The following ARHGAP15 variants were observed in gnomAD, a reference collection of about 807,000 sequenced individuals.
The protein encoded by ARHGAP15 is Rho GTPase activating protein 15.
A neutral mutation model predicts 63.7 loss-of-function variants in ARHGAP15; 51 were observed. That is an observed-to-expected ratio of 0.80 (90% CI 0.64 to 1.01). ARHGAP15 has a LOEUF of 1.01. Among genes scored for constraint, ARHGAP15 ranks in the 50% least tolerant of loss-of-function variants. ARHGAP15 has a pLI of 0.00. For synonymous variants in ARHGAP15, 191 were observed against 193.8 expected (o/e 0.99, Z 0.12); for missense variants, 560 against 564.6 (o/e 0.99, Z 0.08).
chr2:143,637,378 C>G (rs1273503752), intron 12 of ARHGAP15, among the ~76,000 whole-genome samples: 1 of 152,010 alleles, frequency 6.6e-6, no homozygotes, highest in African/African-American at 2.4e-5. Flanking sequence ...TTACCATTTT[C>G]TCTCTCAGAT....
At chr2:143,331,966 C>T (rs376277972) in intron 6 of ARHGAP15, among the ~76,000 whole-genome samples, 1 of 152,244 alleles carries the variant, frequency 6.6e-6, no homozygotes, top group East Asian at 1.9e-4. Flanking sequence ...AGAGTTCTTT[C>T]TGTGCCTTTT....
intron 8 of ARHGAP15, among the ~76,000 whole-genome samples, chr2:143,481,247 T>C (rs892380451): frequency 6.6e-6 from 1 of 152,110 alleles, no homozygotes. Context: ...AACAAAACTA[T>C]CTACCTACAC....
intron 10 of ARHGAP15, among the ~76,000 whole-genome samples, chr2:143,552,495 C>G (rs1043552393): frequency 4.0e-5 from 6 of 151,834 alleles, no homozygotes; most frequent in African/African-American, 1.5e-4. Flanking sequence ...GCTTAGACCA[C>G]CATTTGGTCT....
At position 143,378,962 on chromosome 2, in the gene ARHGAP15, G is replaced by GT. The variant is rs568501933; in HGVS notation, c.475-56631dup. 1.0e-3 allele frequency among the ~76,000 whole-genome samples: 154 copies of GT among 151,528 alleles called. 1 individual carries two copies. Among genetic ancestry groups the GT allele is most frequent in the African/African-American group, 3.5e-3 (143 of 41,390 alleles). ...TGTGATAAACCTTGGAACCAATAAG[G>GT]TTTTTTTTAATTATTTTTTTATTTT... On this transcript the variant is annotated intron_variant, in intron 6 of 13. Coordinates refer to ENST00000295095, the MANE Select transcript of ARHGAP15 (RefSeq NM_018460.4).
chr2:143,332,809 C>A (rs902839026), intron 6 of ARHGAP15, among the ~76,000 whole-genome samples: 8 of 152,046 alleles, frequency 5.3e-5, no homozygotes, highest in African/African-American at 1.9e-4. Context: ...GAACTCTCTA[C>A]CCAAACTTCA....
intron 6 of ARHGAP15, among the ~76,000 whole-genome samples, chr2:143,414,016 A>C (rs1688576422): frequency 6.6e-6 from 1 of 151,080 alleles, no homozygotes; most frequent in Non-Finnish European, 1.5e-5. Context: ...CCATTGCCTG[A>C]AACGTTTTGC....
intron 11 of ARHGAP15, among the ~76,000 whole-genome samples, chr2:143,565,217 T>C (rs964252054): frequency 1.8e-4 from 28 of 152,182 alleles, no homozygotes; most frequent in African/African-American, 6.5e-4. Flanking sequence ...GGCAGAGAGA[T>C]GTTATCTTCT....
intron 4 of ARHGAP15, among the ~76,000 whole-genome samples, chr2:143,225,584 C>A (rs557302236): frequency 4.9e-4 from 74 of 152,162 alleles, no homozygotes; most frequent in African/African-American, 1.8e-3. Context: ...CCAGCCTGGG[C>A]GACAGAGCGA....
At chr2:143,341,491 TA>T (rs1374890369) in intron 6 of ARHGAP15, among the ~76,000 whole-genome samples, 3 of 152,150 alleles carry the variant, frequency 2.0e-5, no homozygotes, top group Non-Finnish European at 4.4e-5. Flanking sequence ...TAATTTAAAA[TA>T]ATATACAATC....
intron 6 of ARHGAP15, among the ~76,000 whole-genome samples, chr2:143,343,048 C>T (rs1685129814): frequency 6.6e-6 from 1 of 151,984 alleles, no homozygotes; most frequent in Non-Finnish European, 1.5e-5. Context: ...GTGATATGTT[C>T]TCAGTTCCTA....
At chr2:143,578,539 C>T (rs1035450262) in intron 11 of ARHGAP15, among the ~76,000 whole-genome samples, 7 of 152,048 alleles carry the variant, frequency 4.6e-5, no homozygotes, top group South Asian at 2.1e-4. Context: ...ATCTAGAAAG[C>T]GCCAATGGCG....
chr2:143,273,882 C>T (rs1197405061), intron 6 of ARHGAP15, among the ~76,000 whole-genome samples: 1 of 151,994 alleles, frequency 6.6e-6, no homozygotes, highest in Non-Finnish European at 1.5e-5. Flanking sequence ...CATAGTCTGG[C>T]TCATGGAGTT....
intron 5 of ARHGAP15, among the ~76,000 whole-genome samples, chr2:143,229,130 T>C (rs1693339001): frequency 6.6e-6 from 1 of 152,134 alleles, no homozygotes; most frequent in African/African-American, 2.4e-5. Flanking sequence ...GCATCTTTAA[T>C]ACATGAATTT....
intron 6 of ARHGAP15, among the ~76,000 whole-genome samples, chr2:143,273,895 A>AATC (rs1200796371): frequency 2.9e-4 from 44 of 152,234 alleles, no homozygotes; most frequent in African/African-American, 1.0e-3. Context: ...ATGGAGTTCA[A>AATC]ATCTTTTTTA....
At chr2:143,447,794 C>T (rs905069438) in intron 8 of ARHGAP15, among the ~76,000 whole-genome samples, 2 of 152,188 alleles carry the variant, frequency 1.3e-5, no homozygotes, top group Non-Finnish European at 2.9e-5. Context: ...AACAAGTGAC[C>T]GAGAGCATGA....
intron 6 of ARHGAP15, chr2:143,350,989 G>A (rs748531222): frequency 1.3e-5 from 2 of 151,260 alleles, no homozygotes; most frequent in Non-Finnish European, 2.9e-5. Flanking sequence ...TGTAAGTAAA[G>A]CCAGTTTCAA....
chr2:143,650,631 G>A (rs1021842648), intron 12 of ARHGAP15, among the ~76,000 whole-genome samples: 1 of 151,924 alleles, frequency 6.6e-6, no homozygotes, highest in African/African-American at 2.4e-5. Flanking sequence ...CCTTTGCCTT[G>A]TTTTGAGGAA....
At chr2:143,610,655 A>C (rs1027476364) in intron 11 of ARHGAP15, among the ~76,000 whole-genome samples, 1 of 152,202 alleles carries the variant, frequency 6.6e-6, no homozygotes, top group Non-Finnish European at 1.5e-5. Context: ...TTAGCTACAC[A>C]TCAAAGAGCT....
At chr2:143,754,205 C>T (rs1686488280) in intron 13 of ARHGAP15, among the ~76,000 whole-genome samples, 2 of 152,198 alleles carry the variant, frequency 1.3e-5, no homozygotes, top group Admixed American at 6.5e-5. Flanking sequence ...TCCATTAATA[C>T]AGCGTTTCAA....
Sources: allele counts gnomAD v4.1 joint callset (sites outside exome capture counted in the v4.1 genomes callset), GRCh38; gene constraint gnomAD v4.1.1; transcripts MANE v1.5; gene names NCBI Gene and HGNC (gene_info 2026-07-23, HGNC 2026-07-21).